Variants in WDR18 observed in about 807,000 individuals in gnomAD.
The protein encoded by WDR18 is WD repeat domain 18.
WDR18 carries 33 observed loss-of-function variants against 49.6 expected under a neutral mutation model. That is an observed-to-expected ratio of 0.67 (90% CI 0.50 to 0.89). The LOEUF (loss-of-function observed/expected upper bound fraction) is 0.89. Among genes scored for constraint, WDR18 ranks in the 40% least tolerant of loss-of-function variants. The pLI is 0.00. For synonymous variants in WDR18, 315 were observed against 263.6 expected (o/e 1.19, Z -1.89); for missense variants, 653 against 593.6 (o/e 1.10, Z -1.04).
Position 990,273 on chromosome 19 carries a change from C to G in WDR18, c.506C>G (p.Ser169Cys), listed in dbSNP as rs1274649120. Residue 169 changes from serine (S) to cysteine (C), a missense_variant, in exon 4 of 10, where the codon TCT (serine) becomes TGT (cysteine). Physicochemically the swap from Ser to Cys is moderately radical, Grantham distance 112. Coordinates refer to ENST00000585809, the MANE Select transcript of WDR18 (RefSeq NM_024100.4). ...SRIPAPRHVW[S>C]HHALPITDLH... ...ATTCCGGCGCCCAGGCACGTCTGGT[C>G]TCACCACGCGCTCCCCATCACGGAC... 3.8e-6 allele frequency: 6 copies of G among 1,599,400 alleles called. No homozygotes were observed. The highest frequency in any genetic ancestry group is 5.1e-6 in the Non-Finnish European group (6 of 1,179,278).
At chr19:991,811 G>C (rs2038557563) in intron 7 of WDR18, 144 bp from the exon 8 acceptor site, 1 of 905,834 alleles carries the variant, frequency 1.1e-6, no homozygotes, top group Non-Finnish European at 1.5e-6. Flanking sequence ...CTGGTCGTGG[G>C]GCGGGGCCTG....
rs143676790 is a variant in WDR18 at position 987,026 on chromosome 19, A to G, written c.321+1051A>G. Among the ~76,000 whole-genome samples the G allele has an allele frequency of 1.4e-4, 21 of 152,240 alleles. No homozygotes were observed. The East Asian group carries it at 4.1e-3, about 29-fold the overall frequency. The stretch of plus-strand genomic sequence containing the variant: ...AGAGAACTGAGAGGGCTGGGTGGGC[A>G]TGAGCATTCTCGGAGAGATAAAAAA... On this transcript the variant is annotated intron_variant, in intron 2 of 9. Transcript: ENST00000585809.
upstream of WDR18, among the ~76,000 whole-genome samples, chr19:983,948 GCTCT>G (rs1353315839): frequency 1.3e-5 from 2 of 152,120 alleles, no homozygotes; most frequent in African/African-American, 2.4e-5. Context: ...CTGGGTGTGC[GCTCT>G]CTCTTTTAGG....
chr19:991,054 G>C (rs757758322), intron 5 of WDR18, 27 bp from the exon 6 acceptor site: 3 of 1,601,872 alleles, frequency 1.9e-6, no homozygotes. Flanking sequence ...TCGGGCCTGC[G>C]GCTCACACAC....
chr19:992,223 TC>T, intron 8 of WDR18, 102 bp downstream of exon 8: 4 of 1,340,036 alleles, frequency 3.0e-6, no homozygotes, highest in Non-Finnish European at 3.8e-6. Context: ...GTGCGGCGGT[TC>T]CCCACAAGCC....
chr19:991,328 G>A lies in WDR18; in HGVS notation c.908G>A (p.Cys303Tyr), dbSNP rs777821951. The change falls in exon 7 of 10, where the codon TGC (cysteine) becomes TAC (tyrosine). Residue 303 changes from cysteine (C) to tyrosine (Y), a missense_variant. Transcript: ENST00000585809. ...CTCTGGGACGTGCAGAGCAAGCAGT[G>A]CATCCGGACGGTGGCCCTCAAAGGT... ...VRLWDVQSKQ[C>Y]IRTVALKGPV... 6.4e-7 allele frequency: 1 copy of A among 1,556,836 alleles called. No homozygotes were observed. The highest frequency in any genetic ancestry group is 1.2e-5 in the South Asian group (1 of 84,802).
rs1168931242 is a variant in WDR18, at chr19:989,733, C to G, written c.322-29C>G. The G allele has an allele frequency of 8.7e-6, 14 of 1,611,726 alleles. No individual in the cohort carries two copies. The East Asian group carries it at 3.1e-4, about 36-fold the overall frequency. ...TTTCCTCCCCTGGGGCTTTCCTCCC[C>G]TGACCTGGATACCCTCTGCCCCTCA... On this transcript the variant is annotated intron_variant, in intron 2 of 9. Coordinates refer to ENST00000585809, the MANE Select transcript of WDR18 (RefSeq NM_024100.4).
chr19:984,206 TC>T, upstream of WDR18: 1 of 870,422 alleles, frequency 1.1e-6, no homozygotes, highest in Non-Finnish European at 1.6e-6. Flanking sequence ...AAATCCCACT[TC>T]ACAAGAAAGC....
In WDR18 at chr19:994,073, C is replaced by T. The variant is rs1334142759; in HGVS notation, c.1152C>T (p.Cys384=). Residue 384 remains cysteine, a synonymous_variant, in exon 9 of 10, where the codon TGC becomes TGT. Coordinates refer to ENST00000585809, the MANE Select transcript of WDR18 (RefSeq NM_024100.4). The part of the protein sequence containing the change: ...DRTEQLQAVL[C]STMEKSVLGG... The stretch of plus-strand genomic sequence containing the variant: ...CGGAGCAGCTGCAGGCCGTCCTGTG[C>T]AGCACCATGGAGAAGGTGGGCGGGG... The T allele has an allele frequency of 2.6e-6, 4 of 1,559,534 alleles. No individual in the cohort carries two copies. The highest frequency in any genetic ancestry group is 3.5e-6 in the Non-Finnish European group (4 of 1,153,260).
intron 2 of WDR18, 127 bp from the exon 3 acceptor site, chr19:989,635 G>C: frequency 7.3e-7 from 1 of 1,376,542 alleles, no homozygotes; most frequent in Non-Finnish European, 9.9e-7. Flanking sequence ...CCGCAGTCCT[G>C]GGGCAGGGCA....
chr19:988,791 C>T (rs527870291), intron 2 of WDR18, among the ~76,000 whole-genome samples: 4 of 152,230 alleles, frequency 2.6e-5, no homozygotes, highest in South Asian at 2.1e-4. Context: ...ACCACTGCCG[C>T]GTGGAGCCCC....
chr19:984,633 G>A, intron 1 of WDR18, 70 bp downstream of exon 1: 2 of 1,345,442 alleles, frequency 1.5e-6, no homozygotes, highest in South Asian at 3.3e-5. Flanking sequence ...TGGGTTGGTG[G>A]GGGCCGCGTG....
At chr19:992,192 G>C (rs1315867178) in intron 8 of WDR18, 71 bp downstream of exon 8, 4 of 1,384,194 alleles carry the variant, frequency 2.9e-6, no homozygotes, top group African/African-American at 3.1e-5. Flanking sequence ...GGGCTCCTTC[G>C]CTCCCTTGGT....
In WDR18 at chr19:984,434, G is replaced by C. The variant is rs372787884; in HGVS notation, c.81G>C (p.Ser27=). ...MWSCIVWELH[S]GANLLTYRGG... The stretch of plus-strand genomic sequence containing the variant: ...GCTGCATCGTGTGGGAACTTCACTC[G>C]GGCGCCAACCTGCTCACCTACCGCG... The change falls in exon 1 of 10, where the codon TCG becomes TCC. Residue 27 remains serine (S), a synonymous_variant. Transcript: ENST00000585809. 1.2e-6 allele frequency: 2 copies of C among 1,601,230 alleles called. No individual in the cohort carries two copies. The highest frequency in any genetic ancestry group is 1.4e-5 in the African/African-American group (1 of 73,880).
At chr19:993,967 G>C in intron 8 of WDR18, 53 bp from the exon 9 acceptor site, 5 of 1,540,208 alleles carry the variant, frequency 3.2e-6, no homozygotes, top group Non-Finnish European at 4.4e-6. Flanking sequence ...TGGGCAAAGC[G>C]TGTGGTGTGT....
chr19:987,902 T>C (rs2038493649), intron 2 of WDR18, among the ~76,000 whole-genome samples: 1 of 143,202 alleles, frequency 7.0e-6, no homozygotes, highest in Non-Finnish European at 1.5e-5. Context: ...TGGCTCAATC[T>C]CAGATCACTG....
In WDR18 at chr19:988,346, C is replaced by T. The variant is rs762719602; in HGVS notation, c.322-1416C>T. Among the ~76,000 whole-genome samples, 12 of 152,168 alleles carry T rather than the reference C, an allele frequency of 7.9e-5. No individual in the cohort carries two copies. The South Asian group carries it at 1.2e-3, about 16-fold the overall frequency. On this transcript the variant is annotated intron_variant, in intron 2 of 9. Coordinates refer to ENST00000585809, the MANE Select transcript of WDR18 (RefSeq NM_024100.4). ...GGCGGGAGCTGGTCCGCCCCTCCCA[C>T]GCCACAGGGACAGGGACCTCCCGGG...
In WDR18 at chr19:984,373, T is replaced by C. The variant is rs1300235749; in HGVS notation, c.20T>C (p.Val7Ala). Reference protein sequence around the residue: MAAPMEVAVCTDSAAPM... With the variant: MAAPMEAAVCTDSAAPM... Reference sequence around the variant, plus strand: ...GGCAAGATGGCGGCGCCCATGGAGGTGGCCGTGTGTACGGACTCGGCGGCC... The same window carrying C: ...GGCAAGATGGCGGCGCCCATGGAGGCGGCCGTGTGTACGGACTCGGCGGCC... The change falls in exon 1 of 10, where the codon GTG becomes GCG. Residue 7 changes from valine (V) to alanine (A), a missense_variant. Physicochemically the swap from Val to Ala is moderately conservative, Grantham distance 64. Coordinates refer to ENST00000585809, the MANE Select transcript of WDR18 (RefSeq NM_024100.4). 1.9e-6 allele frequency: 3 copies of C among 1,594,266 alleles called. No homozygotes were observed. Among genetic ancestry groups the C allele is most frequent in the Non-Finnish European group, 2.6e-6 (3 of 1,172,686 alleles).
At chr19:991,916 G>T (rs957937242) in intron 7 of WDR18, 39 bp from the exon 8 acceptor site, 2 of 1,479,412 alleles carry the variant, frequency 1.4e-6, no homozygotes, top group Admixed American at 4.5e-5. Flanking sequence ...GGTGGGGCCT[G>T]GCTGGGATGG....
Sources: gnomAD v4.1 joint callset for allele counts (sites outside exome capture counted in the v4.1 genomes callset) on GRCh38, gnomAD v4.1.1 for gene constraint, MANE v1.5 for transcripts, NCBI Gene and HGNC (gene_info 2026-07-23, HGNC 2026-07-21) for gene names.